BBX: variants seen among roughly 807,000 people sequenced by gnomAD.
BBX encodes the protein HMG box transcription factor BBX.
In BBX, 30 loss-of-function variants were observed where a neutral mutation model predicts 100.2. The ratio of observed to expected loss-of-function variants is 0.30; its 90% confidence interval spans 0.22 to 0.41. The LOEUF is 0.41. Ranked by LOEUF, BBX falls within the 10% of genes least tolerant of loss-of-function variation. The pLI, the probability that BBX is intolerant of heterozygous loss-of-function variation, is 1.00. For missense variants in BBX, 1,023 were observed against 1,129.8 expected (o/e 0.91, Z 1.35); for synonymous variants, 376 against 388.1 (o/e 0.97, Z 0.37).
At chr3:107,724,501 C>G (rs957702031) in intron 5 of BBX, among the ~76,000 whole-genome samples, 11 of 151,962 alleles carry the variant, frequency 7.2e-5, no homozygotes, top group South Asian at 2.1e-4. Context: ...GTCCTGAATG[C>G]TATTGCCTAG....
intron 6 of BBX, among the ~76,000 whole-genome samples, chr3:107,732,708 T>C (rs991770812): frequency 6.6e-6 from 1 of 152,082 alleles, no homozygotes; most frequent in African/African-American, 2.4e-5. Context: ...CAAACAGCAA[T>C]GGTATTGAAG....
At chr3:107,532,005 C>A (rs1163990419) in intron 2 of BBX, among the ~76,000 whole-genome samples, 2 of 151,960 alleles carry the variant, frequency 1.3e-5, no homozygotes, top group African/African-American at 2.4e-5. Context: ...CTAGCCCGGG[C>A]AACATAGTGA....
intron 2 of BBX, among the ~76,000 whole-genome samples, chr3:107,579,991 C>A (rs920850646): frequency 6.6e-6 from 1 of 151,816 alleles, no homozygotes; most frequent in Non-Finnish European, 1.5e-5. Flanking sequence ...ATATTTATGG[C>A]GGTGGATTTT....
At chr3:107,569,964 G>A (rs569862701) in intron 2 of BBX, among the ~76,000 whole-genome samples, 10 of 152,202 alleles carry the variant, frequency 6.6e-5, no homozygotes, top group Non-Finnish European at 1.2e-4. Context: ...CAGAGTTCCA[G>A]GGGCTCTGGG....
At chr3:107,712,336 A>G (rs540661188) in intron 4 of BBX, among the ~76,000 whole-genome samples, 9 of 152,094 alleles carry the variant, frequency 5.9e-5, no homozygotes, top group South Asian at 2.1e-4. Flanking sequence ...TCATATTTCT[A>G]TTTACTTGGT....
chr3:107,780,534 C>T (rs1164244812), intron 13 of BBX, among the ~76,000 whole-genome samples: 1 of 152,028 alleles, frequency 6.6e-6, no homozygotes, highest in African/African-American at 2.4e-5. Context: ...ATCATCTTAA[C>T]TCTTCCATTA....
chr3:107,644,067 G>T (rs978300027), intron 2 of BBX, among the ~76,000 whole-genome samples: 3 of 152,140 alleles, frequency 2.0e-5, no homozygotes, highest in African/African-American at 7.2e-5. Flanking sequence ...TGCATCATGG[G>T]TAATAAATTA....
intron 10 of BBX, among the ~76,000 whole-genome samples, chr3:107,759,033 A>G (rs926821322): frequency 2.6e-5 from 4 of 152,184 alleles, no homozygotes; most frequent in Non-Finnish European, 5.9e-5. Context: ...TATTTGGGGC[A>G]TATATTTACT....
chr3:107,710,704 T>C (rs1015170329), intron 4 of BBX, 82 bp downstream of exon 4: 20 of 1,307,806 alleles, frequency 1.5e-5, no homozygotes, highest in Admixed American at 2.8e-5. Context: ...ATGAATGATA[T>C]TACAAAAGTG....
In BBX at chr3:107,747,997, T is replaced by C. The variant is rs1220812684; in HGVS notation, c.783T>C (p.Ser261=). The C allele has an allele frequency of 2.5e-6, 4 of 1,613,534 alleles. No homozygotes were observed. Among genetic ancestry groups the C allele is most frequent in the Non-Finnish European group, 3.4e-6 (4 of 1,179,720 alleles). The change falls in exon 9 of 18, where the codon TCT becomes TCC. Residue 261 remains serine, a synonymous_variant. Coordinates refer to ENST00000325805, the MANE Select transcript of BBX (RefSeq NM_001142568.3). The stretch of plus-strand genomic sequence containing the variant: ...CAAGTACGTCCCACTCTGATGCTTC[T>C]ACAAAGCAGTGTCAAACATCTGCCT... ...ISSSTSHSDA[S]TKQCQTSALF... is the part of the protein sequence containing the mutation.
intron 3 of BBX, among the ~76,000 whole-genome samples, chr3:107,652,711 CTATTA>C (rs1243598142): frequency 6.6e-6 from 1 of 152,120 alleles, no homozygotes; most frequent in Non-Finnish European, 1.5e-5. Context: ...CCTCTGATCT[CTATTA>C]TAGAGAAGTG....
At chr3:107,792,934 G>A (rs2069208190) in intron 15 of BBX, among the ~76,000 whole-genome samples, 2 of 152,156 alleles carry the variant, frequency 1.3e-5, no homozygotes, top group Non-Finnish European at 2.9e-5. Flanking sequence ...GTGCAGTGTG[G>A]TAGAAAGAGC....
At chr3:107,546,427 C>T (rs1231529570) in intron 2 of BBX, among the ~76,000 whole-genome samples, 2 of 152,078 alleles carry the variant, frequency 1.3e-5, no homozygotes, top group African/African-American at 2.4e-5. Context: ...ACATAAAACC[C>T]AGATTTTTTA....
chr3:107,686,431 G>T (rs73850123), intron 3 of BBX, among the ~76,000 whole-genome samples: 2,569 of 144,646 alleles, frequency 0.018, 55 homozygotes, highest in African/African-American at 0.055. Flanking sequence ...CTTGTTTTTT[G>T]TTTTTTTTTT....
chr3:107,799,023 G>A (rs1400626364), intron 16 of BBX, among the ~76,000 whole-genome samples: 2 of 151,742 alleles, frequency 1.3e-5, no homozygotes, highest in South Asian at 4.2e-4. Context: ...GGTGGTGGGT[G>A]CCTGTAGTCC....
At chr3:107,573,644 G>C (rs930927901) in intron 2 of BBX, among the ~76,000 whole-genome samples, 1 of 152,128 alleles carries the variant, frequency 6.6e-6, no homozygotes, top group African/African-American at 2.4e-5. Context: ...ATTAAACATA[G>C]TTACAGTTTT....
chr3:107,720,867 T>C (rs2062478855), intron 5 of BBX, among the ~76,000 whole-genome samples: 1 of 152,060 alleles, frequency 6.6e-6, no homozygotes, highest in African/African-American at 2.4e-5. Context: ...TTCATTCCCT[T>C]ATTTTGGGTT....
intron 2 of BBX, among the ~76,000 whole-genome samples, chr3:107,565,542 C>T (rs1237177552): frequency 6.6e-6 from 1 of 151,260 alleles, no homozygotes; most frequent in Non-Finnish European, 1.5e-5. Context: ...GCAATCTCGG[C>T]TCACTGCAAC....
At chr3:107,674,176 G>C (rs957635735) in intron 3 of BBX, among the ~76,000 whole-genome samples, 1 of 152,076 alleles carries the variant, frequency 6.6e-6, no homozygotes, top group Non-Finnish European at 1.5e-5. Context: ...CTGAAAATTA[G>C]GCATTCACAT....
Sources: gnomAD v4.1 joint callset for allele counts (sites outside exome capture counted in the v4.1 genomes callset) on GRCh38, gnomAD v4.1.1 for gene constraint, MANE v1.5 for transcripts, NCBI Gene and HGNC (gene_info 2026-07-23, HGNC 2026-07-21) for gene names.